Variants in KAZN observed in about 807,000 individuals in gnomAD.
The protein encoded by KAZN is kazrin.
In KAZN, 40 loss-of-function variants were observed where a neutral mutation model predicts 87.4. The observed-to-expected ratio is 0.46, with a 90% CI of 0.36 to 0.60. KAZN has a LOEUF of 0.60. Among genes scored for constraint, KAZN ranks in the 20% least tolerant of loss-of-function variants. KAZN has a pLI of 0.00. For synonymous variants in KAZN, 466 were observed against 458.3 expected (o/e 1.02, Z -0.22); for missense variants, 898 against 1,073.9 (o/e 0.84, Z 2.29).
chr1:14,095,627 C>G (rs1282514166), intron 1 of KAZN, among the ~76,000 whole-genome samples: 2 of 152,062 alleles, frequency 1.3e-5, no homozygotes, highest in African/African-American at 4.8e-5. Context: ...CATGTCTGTT[C>G]CCTGAACTAG....
intron 2 of KAZN, among the ~76,000 whole-genome samples, chr1:14,237,912 T>C (rs1219263899): frequency 6.6e-6 from 1 of 152,198 alleles, no homozygotes; most frequent in East Asian, 1.9e-4. Context: ...CCTAGAGAGT[T>C]CTTCTTCCAA....
At chr1:14,419,949 T>G (rs907175041) in intron 2 of KAZN, among the ~76,000 whole-genome samples, 1 of 152,042 alleles carries the variant, frequency 6.6e-6, no homozygotes, top group East Asian at 1.9e-4. Context: ...TTCCACAAGG[T>G]GGAAGGGAAC....
intron 2 of KAZN, among the ~76,000 whole-genome samples, chr1:14,468,815 G>C (rs1470127626): frequency 1.3e-5 from 2 of 152,218 alleles, no homozygotes; most frequent in Non-Finnish European, 2.9e-5. Context: ...CATCTCTGCG[G>C]GTAGGCATCG....
chr1:14,930,622 C>T (rs750088027), intron 1 of KAZN, among the ~76,000 whole-genome samples: 10 of 152,310 alleles, frequency 6.6e-5, no homozygotes, highest in African/African-American at 9.6e-5. Context: ...CCCCATCTTA[C>T]GGGTGAGACC....
At chr1:14,456,419 T>G (rs891162733) in intron 2 of KAZN, among the ~76,000 whole-genome samples, 2 of 147,962 alleles carry the variant, frequency 1.4e-5, no homozygotes, top group African/African-American at 2.5e-5. Context: ...ATTTGTTGAG[T>G]TTTTTTTTTA....
At chr1:14,709,974 C>G (rs1466665561) in intron 1 of KAZN, among the ~76,000 whole-genome samples, 1 of 152,180 alleles carries the variant, frequency 6.6e-6, no homozygotes, top group Non-Finnish European at 1.5e-5. Context: ...AGTTTCTGGT[C>G]TTCACAGTAT....
intron 2 of KAZN, among the ~76,000 whole-genome samples, chr1:14,558,416 C>A (rs1230657623): frequency 6.6e-6 from 1 of 152,166 alleles, no homozygotes; most frequent in Non-Finnish European, 1.5e-5. Flanking sequence ...CACTCATTTA[C>A]CTCCAAGATG....
At position 15,018,090 on chromosome 1, in the gene KAZN, G is replaced by A. The variant is rs573532708; in HGVS notation, c.419-16659G>A. ...CTCCCCCTCCATTTTTCTGGGCCAC[G>A]CTTTCAGCTTTTTTTCAATAAGACA... On this transcript the variant is annotated intron_variant, in intron 2 of 14. Transcript: ENST00000376030. 3.8e-4 allele frequency among the ~76,000 whole-genome samples: 57 copies of A among 151,608 alleles called. No individual in the cohort carries two copies. The East Asian group carries it at 7.9e-3, about 21-fold the overall frequency.
At chr1:13,965,312 G>A (rs568807864) in intron 1 of KAZN, among the ~76,000 whole-genome samples, 1 of 152,150 alleles carries the variant, frequency 6.6e-6, no homozygotes, top group African/African-American at 2.4e-5. Flanking sequence ...CTCACGCCCT[G>A]GGAAATTCAC....
At chr1:14,263,611 G>A (rs1172992666) in intron 2 of KAZN, among the ~76,000 whole-genome samples, 1 of 152,176 alleles carries the variant, frequency 6.6e-6, no homozygotes, top group Non-Finnish European at 1.5e-5. Flanking sequence ...TATAGAGATT[G>A]CTGCTAAAGG....
intron 1 of KAZN, among the ~76,000 whole-genome samples, chr1:14,775,118 A>G (rs1302315388): frequency 6.6e-6 from 1 of 152,128 alleles, no homozygotes; most frequent in African/African-American, 2.4e-5. Flanking sequence ...TGGTGCATAA[A>G]TCACCTCGTT....
intron 2 of KAZN, among the ~76,000 whole-genome samples, chr1:14,467,069 T>G (rs1188440778): frequency 6.6e-6 from 1 of 152,216 alleles, no homozygotes; most frequent in Non-Finnish European, 1.5e-5. Context: ...AATATATTTT[T>G]GTAATTCCTT....
At chr1:14,166,731 A>G (rs990471564) in intron 1 of KAZN, among the ~76,000 whole-genome samples, 4 of 152,212 alleles carry the variant, frequency 2.6e-5, no homozygotes, top group African/African-American at 9.6e-5. Flanking sequence ...CTTAAGTACA[A>G]TTCACTTACT....
At chr1:14,832,803 A>T (rs907283033) in intron 1 of KAZN, among the ~76,000 whole-genome samples, 1 of 151,830 alleles carries the variant, frequency 6.6e-6, no homozygotes, top group African/African-American at 2.4e-5. Context: ...TAAATGGTTG[A>T]AAAAAAACAA....
chr1:14,233,940 C>T (rs894998070), intron 2 of KAZN, among the ~76,000 whole-genome samples: 3 of 152,188 alleles, frequency 2.0e-5, no homozygotes, highest in Admixed American at 6.5e-5. Context: ...AACGCTTTTA[C>T]ACTGTTAGTA....
chr1:14,362,797 A>T (rs187798811), intron 2 of KAZN, among the ~76,000 whole-genome samples: 55 of 152,314 alleles, frequency 3.6e-4, no homozygotes, highest in South Asian at 6.2e-4. Context: ...CTAGGATTCA[A>T]ACTCAGACCT....
chr1:13,985,275 A>G (rs959220658), intron 1 of KAZN, among the ~76,000 whole-genome samples: 44 of 151,982 alleles, frequency 2.9e-4, no homozygotes, highest in Non-Finnish European at 7.4e-5. Context: ...TTACATATGT[A>G]TACATGTGCC....
chr1:14,814,024 A>G (rs1646492665), intron 1 of KAZN, among the ~76,000 whole-genome samples: 1 of 152,178 alleles, frequency 6.6e-6, no homozygotes, highest in Admixed American at 6.5e-5. Flanking sequence ...CTTAGAGGGT[A>G]TTAGACCTCA....
intron 2 of KAZN, among the ~76,000 whole-genome samples, chr1:14,347,073 A>T (rs1658157323): frequency 6.6e-6 from 1 of 152,172 alleles, no homozygotes; most frequent in Admixed American, 6.5e-5. Context: ...GATGTAGAAG[A>T]CATCTTTTGT....
Sources: gnomAD v4.1 joint callset for allele counts (sites outside exome capture counted in the v4.1 genomes callset) on GRCh38, gnomAD v4.1.1 for gene constraint, MANE v1.5 for transcripts, NCBI Gene and HGNC (gene_info 2026-07-23, HGNC 2026-07-21) for gene names.